The following EPHX2 variants were observed in gnomAD, a reference collection of about 807,000 sequenced individuals.
The protein encoded by EPHX2 is epoxide hydrolase 2.
A neutral mutation model predicts 78.7 loss-of-function variants in EPHX2; 74 were observed. The ratio of observed to expected loss-of-function variants is 0.94; its 90% CI spans 0.78 to 1.14. The LOEUF (loss-of-function observed/expected upper bound fraction) is 1.14, where lower values mean the gene tolerates loss of function less well. Ranked by LOEUF, EPHX2 falls within the 50% of genes most tolerant of loss-of-function variation. The pLI is 0.00. For missense variants in EPHX2, 715 were observed against 702.5 expected (o/e 1.02, Z -0.20); for synonymous variants, 251 against 255.2 (o/e 0.98, Z 0.16).
rs147425478 is a variant in EPHX2, at chr8:27,544,490, G to C, written c.1636G>C (p.Ala546Pro). The part of the protein sequence containing the change: ...QILIKWLDSD[A>P]RNPPVVSKM Reference sequence around the variant, plus strand: ...CCTCATTAAGTGGCTGGATTCTGATGCCCGGAACCCACCGGTGGTCTCAAA... The same window carrying C: ...CCTCATTAAGTGGCTGGATTCTGATCCCCGGAACCCACCGGTGGTCTCAAA... Residue 546 changes from alanine to proline, a missense_variant, in exon 19 of 19, where the codon GCC (alanine) becomes CCC (proline). Transcript: ENST00000521400. 263 of 1,613,948 alleles carry C rather than the reference G, an allele frequency of 1.6e-4. No homozygotes were observed. The African/African-American group carries it at 3.1e-3, about 19-fold the overall frequency.
At chr8:27,501,358 TTC>T (rs1446289110) in intron 2 of EPHX2, among the ~76,000 whole-genome samples, 2 of 129,312 alleles carry the variant, frequency 1.5e-5, no homozygotes, top group African/African-American at 6.1e-5. Context: ...CTTCTTCTTC[TTC>T]TTCTTCTTCT....
At chr8:27,521,515 C>T (rs2132757283) in intron 10 of EPHX2, among the ~76,000 whole-genome samples, 1 of 152,248 alleles carries the variant, frequency 6.6e-6, no homozygotes, top group East Asian at 1.9e-4. Flanking sequence ...CTTAAGGCCT[C>T]TTAATTGGAT....
intron 4 of EPHX2, among the ~76,000 whole-genome samples, chr8:27,505,660 A>G (rs760618387): frequency 3.2e-4 from 48 of 152,132 alleles, no homozygotes; most frequent in Non-Finnish European, 5.3e-4. Flanking sequence ...TTTCCCTCAC[A>G]TTTCCAACCC....
intron 7 of EPHX2, 57 bp from the exon 8 acceptor site, chr8:27,516,263 G>A: frequency 6.7e-7 from 1 of 1,492,846 alleles, no homozygotes; most frequent in Non-Finnish European, 9.3e-7. Context: ...AAGCAAAGAG[G>A]GAGTATCCGC....
At position 27,506,879 on chromosome 8, in the gene EPHX2, T is replaced by A. The variant is rs1814026353; in HGVS notation, c.545T>A (p.Phe182Tyr). 4 of 1,613,910 alleles carry A rather than the reference T, an allele frequency of 2.5e-6. No homozygotes were observed. The highest frequency in any genetic ancestry group is 3.4e-6 in the Non-Finnish European group (4 of 1,179,906). Reference sequence around the variant, plus strand: ...ATGCTGTTTTGGGCTCAGGTCGTTTTTTTGGATGACATCGGGGCTAATCTG... The same window carrying A: ...ATGCTGTTTTGGGCTCAGGTCGTTTATTTGGATGACATCGGGGCTAATCTG... The part of the protein sequence containing the change: ...TLKASPSEVV[F>Y]LDDIGANLKP... The change falls in exon 5 of 19, where the codon TTT becomes TAT. Residue 182 changes from phenylalanine (F) to tyrosine (Y), a missense_variant. Physicochemically the swap from Phe to Tyr is conservative, Grantham distance 22 (BLOSUM62 3). Coordinates refer to ENST00000521400, the MANE Select transcript of EPHX2 (RefSeq NM_001979.6).
intron 5 of EPHX2, among the ~76,000 whole-genome samples, chr8:27,509,730 G>C (rs1437425739): frequency 2.0e-5 from 3 of 152,170 alleles, no homozygotes; most frequent in Admixed American, 6.5e-5. Flanking sequence ...TTTCACAGCA[G>C]TTATACCCTT....
intron 12 of EPHX2, among the ~76,000 whole-genome samples, chr8:27,535,163 ATATTTTATTTTATTT>A (rs58760249): frequency 0.081 from 12,347 of 151,942 alleles, 530 homozygotes; most frequent in Non-Finnish European, 0.1. Context: ...TGTTACAGAA[ATATTTTATTTTATTT>A]TATTTTATTT....
intron 11 of EPHX2, among the ~76,000 whole-genome samples, chr8:27,523,739 A>G (rs889108475): frequency 1.3e-5 from 2 of 152,148 alleles, no homozygotes; most frequent in African/African-American, 4.8e-5. Context: ...GTGGGTACAT[A>G]GCATATTCTA....
chr8:27,543,993 G>A (rs150417220), intron 17 of EPHX2, among the ~76,000 whole-genome samples, 164 bp downstream of exon 17: 5 of 152,276 alleles, frequency 3.3e-5, no homozygotes, highest in East Asian at 1.9e-4. Flanking sequence ...AGCAGCAACC[G>A]TGACTGTACC....
chr8:27,525,230 A>G (rs775704732), intron 11 of EPHX2, 132 bp from the exon 12 acceptor site: 1 of 722,488 alleles, frequency 1.4e-6, no homozygotes, highest in Non-Finnish European at 2.4e-6. Flanking sequence ...TCTCCCATTC[A>G]CTGCTAGTGT....
At chr8:27,491,474 A>C (rs953078446) in intron 1 of EPHX2, among the ~76,000 whole-genome samples, 165 bp downstream of exon 1, 1 of 152,222 alleles carries the variant, frequency 6.6e-6, no homozygotes, top group Non-Finnish European at 1.5e-5. Context: ...ATATGAGGAG[A>C]TCCGTTGTCT....
At chr8:27,522,557 T>A in intron 11 of EPHX2, 49 bp downstream of exon 11, 1 of 1,577,086 alleles carries the variant, frequency 6.3e-7, no homozygotes, top group Non-Finnish European at 8.7e-7. Flanking sequence ...GGACTTGAAC[T>A]CCTGTGAGAA....
At chr8:27,543,669 C>T (rs1222008598) in intron 16 of EPHX2, 80 bp from the exon 17 acceptor site, 14 of 1,421,646 alleles carry the variant, frequency 9.8e-6, no homozygotes, top group Middle Eastern at 1.8e-4. Context: ...AGCAGGGTGG[C>T]GAGCAGGGGT....
At chr8:27,506,797 CTCA>C in intron 4 of EPHX2, 72 bp from the exon 5 acceptor site, 1 of 1,556,454 alleles carries the variant, frequency 6.4e-7, no homozygotes, top group South Asian at 1.2e-5. Context: ...TTTTAATCTC[CTCA>C]TCATAAAATA....
rs144419553 is a variant in EPHX2 at position 27,525,457 on chromosome 8, T to C, written c.1154T>C (p.Leu385Pro). Residue 385 changes from leucine to proline, a missense_variant, in exon 12 of 19, where the codon CTC (leucine) becomes CCC (proline). By Grantham distance (98) the Leu-to-Pro change is moderately conservative. Transcript: ENST00000521400. Reference sequence around the variant, plus strand: ...GCCAACCCAGTATTTGATTACCAGCTCTACTTCCAAGAACCAGTAAGTATG... The same window carrying C: ...GCCAACCCAGTATTTGATTACCAGCCCTACTTCCAAGAACCAGTAAGTATG... ...IKANPVFDYQ[L>P]YFQEPGVAEA... 7.1e-5 allele frequency: 114 copies of C among 1,614,052 alleles called. No individual in the cohort carries two copies. In the African/African-American group the frequency reaches 9.1e-4, roughly 13 times the overall value.
intron 11 of EPHX2, among the ~76,000 whole-genome samples, chr8:27,525,114 G>GCA (rs1407090058): frequency 5.1e-4 from 77 of 150,720 alleles, no homozygotes; most frequent in Middle Eastern, 3.5e-3. Context: ...GTGTGCGCGC[G>GCA]CGCGCGCGCA....
At chr8:27,493,830 C>T (rs149942600) in intron 1 of EPHX2, among the ~76,000 whole-genome samples, 1 of 152,274 alleles carries the variant, frequency 6.6e-6, no homozygotes, top group Non-Finnish European at 1.5e-5. Context: ...AGAGTACTTG[C>T]CAAGGTAGCT....
intron 2 of EPHX2, among the ~76,000 whole-genome samples, chr8:27,501,553 A>G (rs1432930327): frequency 6.6e-6 from 1 of 151,818 alleles, no homozygotes; most frequent in African/African-American, 2.4e-5. Context: ...ACAGGCACAC[A>G]TCACCATGCC....
At chr8:27,519,662 G>A (rs1239216846) in intron 9 of EPHX2, among the ~76,000 whole-genome samples, 1 of 152,234 alleles carries the variant, frequency 6.6e-6, no homozygotes, top group Non-Finnish European at 1.5e-5. Flanking sequence ...CGGCTGCACT[G>A]CTCAGCCTGG....
Sources: allele counts gnomAD v4.1 joint callset (sites outside exome capture counted in the v4.1 genomes callset), GRCh38; gene constraint gnomAD v4.1.1; transcripts MANE v1.5; gene names NCBI Gene and HGNC (gene_info 2026-07-23, HGNC 2026-07-21).